The following RABGAP1L variants were observed in gnomAD, a reference collection of about 807,000 sequenced individuals.
RABGAP1L encodes the protein rab GTPase-activating protein 1-like.
Under a neutral mutation model 137.7 loss-of-function variants are expected in RABGAP1L, and 63 were observed. The ratio of observed to expected loss-of-function variants is 0.46; its 90% confidence interval spans 0.37 to 0.56. The LOEUF is 0.56. Ranked by LOEUF, RABGAP1L falls within the 20% of genes least tolerant of loss-of-function variation. RABGAP1L has a pLI of 0.00. For missense variants in RABGAP1L, 1,095 were observed against 1,244.0 expected, an observed-to-expected ratio of 0.88 and a Z score of 1.80; for synonymous variants, 431 against 433.7, an observed-to-expected ratio of 0.99 and a Z score of 0.08.
At chr1:174,826,735 G>A (rs1691604020) in intron 19 of RABGAP1L, among the ~76,000 whole-genome samples, 1 of 152,178 alleles carries the variant, frequency 6.6e-6, no homozygotes, top group Non-Finnish European at 1.5e-5. Flanking sequence ...TCACCGCAGT[G>A]GCTAGAGTAA....
intron 13 of RABGAP1L, among the ~76,000 whole-genome samples, chr1:174,597,691 A>T (rs113166677): frequency 3.9e-5 from 6 of 151,902 alleles, no homozygotes; most frequent in African/African-American, 1.4e-4. Context: ...ACCTTTTGTT[A>T]ATCTTGTGTA....
intron 18 of RABGAP1L, among the ~76,000 whole-genome samples, chr1:174,807,324 C>T (rs1689407809): frequency 6.6e-6 from 1 of 151,942 alleles, no homozygotes; most frequent in African/African-American, 2.4e-5. Context: ...AATACACATA[C>T]ATATGTACGA....
intron 13 of RABGAP1L, among the ~76,000 whole-genome samples, chr1:174,465,292 C>T (rs1470647288): frequency 3.3e-5 from 5 of 152,150 alleles, no homozygotes; most frequent in African/African-American, 4.8e-5. Context: ...CTCCGCCTCC[C>T]GGGTTTGAGC....
intron 20 of RABGAP1L, among the ~76,000 whole-genome samples, chr1:174,959,974 C>T (rs1318189012): frequency 1.3e-5 from 2 of 152,100 alleles, no homozygotes; most frequent in African/African-American, 2.4e-5. Flanking sequence ...TGGGAATGAG[C>T]ACTTTGTAAT....
At chr1:174,252,423 GTTATT>G (rs1672790109) in intron 6 of RABGAP1L, 52 bp from the exon 7 acceptor site, 1 of 1,582,034 alleles carries the variant, frequency 6.3e-7, no homozygotes, top group African/African-American at 1.4e-5. Flanking sequence ...CTTGGAATAG[GTTATT>G]TTATCATTTT....
chr1:174,730,567 A>T (rs565034204), intron 17 of RABGAP1L, among the ~76,000 whole-genome samples: 228 of 152,322 alleles, frequency 1.5e-3, no homozygotes, highest in African/African-American at 5.1e-3. Flanking sequence ...GGTGAGTTGG[A>T]TATACAATGC....
At chr1:174,707,042 C>A (rs1014224101) in intron 17 of RABGAP1L, among the ~76,000 whole-genome samples, 1 of 152,112 alleles carries the variant, frequency 6.6e-6, no homozygotes. Context: ...TTTTAGTTAA[C>A]GTACCTATGC....
At chr1:174,243,432 G>A (rs939570565) in intron 5 of RABGAP1L, among the ~76,000 whole-genome samples, 2 of 151,986 alleles carry the variant, frequency 1.3e-5, no homozygotes, top group Non-Finnish European at 2.9e-5. Flanking sequence ...TACATTATGG[G>A]GGCATTAGTG....
intron 10 of RABGAP1L, among the ~76,000 whole-genome samples, chr1:174,300,077 C>T (rs186164052): frequency 8.5e-5 from 13 of 152,242 alleles, no homozygotes; most frequent in East Asian, 7.7e-4. Context: ...TTAGAAATCC[C>T]GTATGATTTT....
intron 11 of RABGAP1L, among the ~76,000 whole-genome samples, chr1:174,364,422 T>C (rs1684434724): frequency 6.7e-6 from 1 of 149,756 alleles, no homozygotes; most frequent in Non-Finnish European, 1.5e-5. Context: ...GCCCGGCTAA[T>C]TTTTTGTATT....
At chr1:174,215,167 C>T (rs908260267) in intron 1 of RABGAP1L, among the ~76,000 whole-genome samples, 1 of 152,072 alleles carries the variant, frequency 6.6e-6, no homozygotes, top group Non-Finnish European at 1.5e-5. Context: ...AATTAAAAAT[C>T]TAATTTAGAT....
intron 14 of RABGAP1L, among the ~76,000 whole-genome samples, chr1:174,664,838 A>G (rs937074148): frequency 6.7e-5 from 10 of 148,366 alleles, no homozygotes; most frequent in African/African-American, 2.5e-4. Flanking sequence ...CCCGGGTTCA[A>G]GCGTTTCTCC....
intron 2 of RABGAP1L, among the ~76,000 whole-genome samples, chr1:174,220,099 G>A (rs1669639493): frequency 6.6e-6 from 1 of 152,040 alleles, no homozygotes; most frequent in Non-Finnish European, 1.5e-5. Context: ...GCATTATTGT[G>A]TTTAAGACAT....
chr1:174,187,304 G>C (rs1450079247), intron 1 of RABGAP1L, among the ~76,000 whole-genome samples: 1 of 151,774 alleles, frequency 6.6e-6, no homozygotes, highest in Non-Finnish European at 1.5e-5. Context: ...AGTGAACAGG[G>C]TAATTTTCTT....
intron 12 of RABGAP1L, among the ~76,000 whole-genome samples, chr1:174,378,238 A>G (rs1461945825): frequency 1.7e-4 from 25 of 151,420 alleles, no homozygotes; most frequent in Admixed American, 1.5e-3. Context: ...TAATGCCGCA[A>G]TAAACATACG....
rs529468640 is a variant in RABGAP1L at position 174,608,486 on chromosome 1, T to C, written c.1711-28889T>C. Reference sequence around the variant, plus strand: ...AAGTAACATAAGGGAAAAAGGTGTTTTTACCTGGGTGTTTTACATTATGAA... The same window carrying C: ...AAGTAACATAAGGGAAAAAGGTGTTCTTACCTGGGTGTTTTACATTATGAA... On this transcript the variant is annotated intron_variant, in intron 13 of 25. Coordinates refer to ENST00000681986, the MANE Select transcript of RABGAP1L (RefSeq NM_001366446.1). 5.3e-5 allele frequency among the ~76,000 whole-genome samples: 8 copies of C among 152,264 alleles called. No homozygotes were observed. In the East Asian group the frequency reaches 1.2e-3, roughly 22 times the overall value.
chr1:174,922,354 G>T (rs114907189), intron 19 of RABGAP1L: 1 of 196,870 alleles, frequency 5.1e-6, no homozygotes, highest in Non-Finnish European at 1.1e-5. Context: ...CCTTGGGCAC[G>T]CATCAGGCGC....
At chr1:174,731,057 C>G (rs192912945) in intron 17 of RABGAP1L, among the ~76,000 whole-genome samples, 4 of 152,148 alleles carry the variant, frequency 2.6e-5, no homozygotes, top group Admixed American at 1.3e-4. Flanking sequence ...TCACTGCAAC[C>G]TCTGCCTCCT....
chr1:174,850,348 A>C (rs1039259638), intron 19 of RABGAP1L, among the ~76,000 whole-genome samples: 1 of 152,208 alleles, frequency 6.6e-6, no homozygotes, highest in Non-Finnish European at 1.5e-5. Flanking sequence ...TGCTTTAATA[A>C]ATGTGGATAT....
Sources: gnomAD v4.1 joint callset for allele counts (sites outside exome capture counted in the v4.1 genomes callset) on GRCh38, gnomAD v4.1.1 for gene constraint, MANE v1.5 for transcripts, NCBI Gene and HGNC (gene_info 2026-07-23, HGNC 2026-07-21) for gene names.